The following CTNNBL1 variants were observed in gnomAD, a reference collection of about 807,000 sequenced individuals.
CTNNBL1 encodes the protein beta-catenin-like protein 1.
In CTNNBL1, 31 loss-of-function variants were observed where a neutral mutation model predicts 72.7. That is an observed-to-expected ratio of 0.43 (90% confidence interval 0.32 to 0.58). The LOEUF is 0.58. CTNNBL1 is among the 20% of genes least tolerant of loss of function. The pLI, the probability that CTNNBL1 is intolerant of heterozygous loss-of-function variation, is 0.08. For missense variants in CTNNBL1, 534 were observed against 725.1 expected (o/e 0.74, Z 3.03); for synonymous variants, 240 against 267.3 (o/e 0.90, Z 1.00).
intron 10 of CTNNBL1, among the ~76,000 whole-genome samples, chr20:37,799,419 C>T (rs758660057): frequency 7.2e-5 from 11 of 152,128 alleles, no homozygotes; most frequent in South Asian, 4.2e-4. Context: ...CTGGCTGGCA[C>T]GCTCCTACAG....
intron 4 of CTNNBL1, chr20:37,750,209 G>C (rs2073306049): frequency 6.6e-6 from 1 of 152,232 alleles, no homozygotes; most frequent in Non-Finnish European, 1.5e-5. Flanking sequence ...CACTGCTGCT[G>C]GTGAGGGCTT....
At chr20:37,804,580 T>G (rs1266657384) in intron 11 of CTNNBL1, among the ~76,000 whole-genome samples, 1 of 152,208 alleles carries the variant, frequency 6.6e-6, no homozygotes, top group Non-Finnish European at 1.5e-5. Context: ...TAGCCACACC[T>G]TCAGATTCTC....
chr20:37,703,908 G>A (rs959455364), intron 1 of CTNNBL1, among the ~76,000 whole-genome samples: 2 of 151,708 alleles, frequency 1.3e-5, no homozygotes, highest in African/African-American at 4.9e-5. Flanking sequence ...CTCCTGAGTC[G>A]CCGGGATTAC....
chr20:37,865,546 C>CCCATGCA (rs1244874417), intron 15 of CTNNBL1, among the ~76,000 whole-genome samples: 1 of 152,170 alleles, frequency 6.6e-6, no homozygotes, highest in Non-Finnish European at 1.5e-5. Context: ...ATTCTGCATT[C>CCCATGCA]TGTCTCTGTG....
intron 1 of CTNNBL1, among the ~76,000 whole-genome samples, chr20:37,709,131 G>A (rs541112344): frequency 1.3e-5 from 2 of 151,860 alleles, no homozygotes; most frequent in African/African-American, 2.4e-5. Context: ...GCAAGACTCC[G>A]TCCAAAAAAA....
intron 4 of CTNNBL1, among the ~76,000 whole-genome samples, chr20:37,754,294 T>TC (rs965641948): frequency 2.0e-5 from 3 of 147,584 alleles, no homozygotes; most frequent in African/African-American, 7.5e-5. Flanking sequence ...TTTTTTTTTT[T>TC]TTTTTTTTGA....
At chr20:37,771,670 G>A (rs1353496305) in intron 7 of CTNNBL1, among the ~76,000 whole-genome samples, 1 of 151,834 alleles carries the variant, frequency 6.6e-6, no homozygotes, top group African/African-American at 2.4e-5. Context: ...AGGAATGACT[G>A]GCTCCTCTCT....
intron 5 of CTNNBL1, among the ~76,000 whole-genome samples, chr20:37,758,127 T>A (rs2073381065): frequency 6.6e-6 from 1 of 152,254 alleles, no homozygotes; most frequent in South Asian, 2.1e-4. Flanking sequence ...CTGGACTTTC[T>A]AATCCCAAGT....
At chr20:37,698,284 G>T (rs116111939) in intron 1 of CTNNBL1, among the ~76,000 whole-genome samples, 1,745 of 152,298 alleles carry the variant, frequency 0.011, 40 homozygotes, top group African/African-American at 0.039. Context: ...CCTAGGGCGG[G>T]CATGCTCATG....
intron 1 of CTNNBL1, among the ~76,000 whole-genome samples, chr20:37,702,568 A>G (rs1288743721): frequency 2.0e-5 from 3 of 152,174 alleles, no homozygotes; most frequent in Admixed American, 2.0e-4. Flanking sequence ...TTTTGTTGGA[A>G]GTGTGACTCT....
At chr20:37,772,640 G>A (rs377707754) in intron 7 of CTNNBL1, among the ~76,000 whole-genome samples, 1 of 152,134 alleles carries the variant, frequency 6.6e-6, no homozygotes, top group Non-Finnish European at 1.5e-5. Context: ...AAGCCACTGC[G>A]CCCGGCCCAG....
intron 11 of CTNNBL1, among the ~76,000 whole-genome samples, chr20:37,815,152 C>T (rs945662432): frequency 4.6e-5 from 7 of 151,146 alleles, no homozygotes; most frequent in African/African-American, 1.2e-4. Context: ...TTTTTACTCA[C>T]TGCATCTTGG....
intron 1 of CTNNBL1, among the ~76,000 whole-genome samples, chr20:37,718,907 T>C (rs1018056330): frequency 2.6e-5 from 4 of 152,252 alleles, no homozygotes; most frequent in Non-Finnish European, 5.9e-5. Context: ...TGAGGTTGTG[T>C]AATACTGCTT....
intron 5 of CTNNBL1, among the ~76,000 whole-genome samples, chr20:37,757,861 G>A (rs946092630): frequency 3.3e-5 from 5 of 152,088 alleles, no homozygotes; most frequent in East Asian, 1.9e-4. Flanking sequence ...TAGAGGCCTC[G>A]CCCTTATTAA....
chr20:37,816,157 C>G (rs901755385), intron 11 of CTNNBL1, among the ~76,000 whole-genome samples: 3 of 152,082 alleles, frequency 2.0e-5, no homozygotes, highest in African/African-American at 7.2e-5. Flanking sequence ...TTCCAGGTAG[C>G]CAAACAAAGG....
chr20:37,785,037 CA>C (rs1304232574), intron 10 of CTNNBL1, among the ~76,000 whole-genome samples: 2 of 152,142 alleles, frequency 1.3e-5, no homozygotes, highest in African/African-American at 4.8e-5. Context: ...ATAGTTCCTT[CA>C]GCACTTTAAA....
chr20:37,820,523 T>G (rs2072097353), intron 11 of CTNNBL1, among the ~76,000 whole-genome samples: 1 of 152,192 alleles, frequency 6.6e-6, no homozygotes, highest in Non-Finnish European at 1.5e-5. Context: ...AATCTCATCT[T>G]AAATTGTAAT....
intron 15 of CTNNBL1, among the ~76,000 whole-genome samples, chr20:37,868,119 C>T (rs1159578906): frequency 6.6e-6 from 1 of 152,176 alleles, no homozygotes; most frequent in East Asian, 1.9e-4. Flanking sequence ...AGCCAGTCCA[C>T]CCACATCTGT....
chr20:37,858,060 G>A (rs2072458569), intron 13 of CTNNBL1, among the ~76,000 whole-genome samples: 1 of 152,178 alleles, frequency 6.6e-6, no homozygotes, highest in Admixed American at 6.5e-5. Context: ...AGCTGAGTGT[G>A]GTGGCATGCA....
Sources: allele counts gnomAD v4.1 joint callset (sites outside exome capture counted in the v4.1 genomes callset), GRCh38; gene constraint gnomAD v4.1.1; transcripts MANE v1.5; gene names NCBI Gene and HGNC (gene_info 2026-07-23, HGNC 2026-07-21).